Variants in STK17B observed in about 807,000 individuals in gnomAD.
STK17B encodes serine/threonine kinase 17b.
Under a neutral mutation model 42.0 loss-of-function variants are expected in STK17B, and 21 were observed. The ratio of observed to expected loss-of-function variants is 0.50; its 90% CI spans 0.35 to 0.72. STK17B has a LOEUF of 0.72. Ranked by LOEUF, STK17B falls within the 30% of genes least tolerant of loss-of-function variation. The pLI is 0.00. For missense variants in STK17B, 349 were observed against 446.0 expected (o/e 0.78, Z 1.96); for synonymous variants, 143 against 148.4 (o/e 0.96, Z 0.26).
chr2:196,149,336 T>C (rs1699630404), intron 3 of STK17B, among the ~76,000 whole-genome samples: 1 of 152,102 alleles, frequency 6.6e-6, no homozygotes, highest in African/African-American at 2.4e-5. Flanking sequence ...GCTAATTTTT[T>C]GTATTTTTTA....
intron 3 of STK17B, among the ~76,000 whole-genome samples, chr2:196,147,111 A>G (rs10206645): frequency 0.64 from 97,537 of 151,920 alleles, 31,625 homozygotes; most frequent in East Asian, 0.9. Context: ...TTTTTTTAGG[A>G]GGGATTAAAT....
intron 3 of STK17B, 84 bp downstream of exon 3, chr2:196,156,355 G>T: frequency 1.8e-6 from 2 of 1,142,116 alleles, no homozygotes; most frequent in Non-Finnish European, 2.4e-6. Context: ...ACAAGTTCTT[G>T]TCACACCTTT....
intron 7 of STK17B, 142 bp from the exon 8 acceptor site, chr2:196,137,871 A>G: frequency 1.1e-6 from 1 of 905,226 alleles, no homozygotes; most frequent in Admixed American, 3.0e-5. Context: ...AGTACAGAAG[A>G]GAATAATAAT....
intron 3 of STK17B, among the ~76,000 whole-genome samples, chr2:196,150,558 T>C (rs1438382010): frequency 6.6e-6 from 1 of 152,216 alleles, no homozygotes; most frequent in Non-Finnish European, 1.5e-5. Context: ...ACATGAAAGA[T>C]TAAAATCAGA....
intron 5 of STK17B, among the ~76,000 whole-genome samples, chr2:196,142,377 G>C (rs1699506821): frequency 6.6e-6 from 1 of 152,028 alleles, no homozygotes. Flanking sequence ...AGATTTTCCA[G>C]TGAATTAAAC....
chr2:196,153,142 T>TA (rs1235427398), intron 3 of STK17B: 3 of 148,406 alleles, frequency 2.0e-5, no homozygotes, highest in Non-Finnish European at 4.4e-5. Flanking sequence ...AATAAGAATA[T>TA]AAAAAATCAC....
intron 1 of STK17B, among the ~76,000 whole-genome samples, chr2:196,167,122 T>A (rs949135349): frequency 6.6e-6 from 1 of 152,210 alleles, no homozygotes; most frequent in Admixed American, 6.5e-5. Context: ...TTCTTACACA[T>A]CCTTCAAAAC....
At chr2:196,152,895 G>C (rs920154250) in intron 3 of STK17B, among the ~76,000 whole-genome samples, 1 of 152,108 alleles carries the variant, frequency 6.6e-6, no homozygotes, top group South Asian at 2.1e-4. Flanking sequence ...TTGCAGTACA[G>C]GGGATACATG....
At chr2:196,152,925 G>GT (rs1335530695) in intron 3 of STK17B, 1 of 151,902 alleles carries the variant, frequency 6.6e-6, no homozygotes, top group African/African-American at 2.4e-5. Context: ...TTTTTGTGTG[G>GT]TTTAAAAAAA....
chr2:196,133,724 G>A lies in STK17B; in HGVS notation c.*3723C>T, dbSNP rs1026060476. The A allele has an allele frequency of 1.3e-5, 2 of 152,108 alleles. No homozygotes were observed. The highest frequency in any genetic ancestry group is 2.4e-5 in the African/African-American group (1 of 41,440). The allele number at this position is 152,108 out of a possible 1,614,324, so 9.4% of individuals were successfully genotyped here. On this transcript the variant is annotated 3_prime_UTR_variant, in exon 8 of 8. Transcript: ENST00000263955. The stretch of plus-strand genomic sequence containing the variant: ...ATGACAACCACAGATATAAAAAAGT[G>A]CTTTTTAATTTTTAGCCAGAATGGT...
chr2:196,139,940 T>G (rs908621994), intron 6 of STK17B, 141 bp from the exon 7 acceptor site: 1 of 531,652 alleles, frequency 1.9e-6, no homozygotes, highest in African/African-American at 2.0e-5. Flanking sequence ...AAAGTTCCTA[T>G]ATTATTAAAA....
rs749336239 is a variant in STK17B at position 196,137,551 on chromosome 2, C to T, written c.1015G>A (p.Asp339Asn). 1.2e-6 allele frequency: 2 copies of T among 1,614,004 alleles called. No homozygotes were observed. The highest frequency in any genetic ancestry group is 3.3e-5 in the Admixed American group (2 of 60,004). The change falls in exon 8 of 8, where the codon GAC (aspartate) becomes AAC (asparagine). Residue 339 changes from aspartate to asparagine, a missense_variant. Physicochemically the swap from Asp to Asn is conservative, Grantham distance 23. This residue lies in a region of STK17B where 87 missense variants were observed against 78.8 expected (regional missense o/e 1.10). Coordinates refer to ENST00000263955, the MANE Select transcript of STK17B (RefSeq NM_004226.4). The stretch of plus-strand genomic sequence containing the variant: ...CTATCCTCTGGGATATTCTCTTTGT[C>T]TTCTCTATCACCACAGGTTCCATTA... ...SCNGTCGDRE[D>N]KENIPEDSSM...
chr2:196,156,447 T>C lies in STK17B; in HGVS notation c.327A>G (p.Ile109Met). Residue 109 changes from isoleucine (I) to methionine (M), a missense_variant, in exon 3 of 8, where the codon ATA becomes ATG. Physicochemically the swap from Ile to Met is conservative, Grantham distance 10. Coordinates refer to ENST00000263955, the MANE Select transcript of STK17B (RefSeq NM_004226.4). ...VYENTSEIIL[I>M]LEYAAGGEIF... ...ATTTAGTATATACTTACTATTCCAA[T>C]ATCAAAATGATTTCACTTGTATTTT... 3 of 1,611,988 alleles carry C rather than the reference T, an allele frequency of 1.9e-6. No individual in the cohort carries two copies. The highest frequency in any genetic ancestry group is 2.5e-6 in the Non-Finnish European group (3 of 1,178,498).
chr2:196,150,179 TAAAAAAAAAAA>T (rs143244008), intron 3 of STK17B, among the ~76,000 whole-genome samples: 1 of 113,488 alleles, frequency 8.8e-6, no homozygotes, highest in African/African-American at 3.5e-5. Context: ...GAGCAGTGAC[TAAAAAAAAAAA>T]AAAAAAAAAA....
chr2:196,168,902 T>C (rs535071730), intron 1 of STK17B, among the ~76,000 whole-genome samples: 2 of 152,242 alleles, frequency 1.3e-5, no homozygotes, highest in Non-Finnish European at 1.5e-5. Context: ...ATCAATATTA[T>C]GAAAAACTAA....
intron 2 of STK17B, 116 bp downstream of exon 2, chr2:196,163,146 C>T: frequency 7.7e-7 from 1 of 1,293,496 alleles, no homozygotes. Flanking sequence ...ACAGAGATCA[C>T]AACTTTCCTT....
At chr2:196,156,855 G>A (rs1699746036) in intron 2 of STK17B, among the ~76,000 whole-genome samples, 1 of 152,032 alleles carries the variant, frequency 6.6e-6, no homozygotes, top group Non-Finnish European at 1.5e-5. Flanking sequence ...AATGTAAATG[G>A]CAAACTATAA....
intron 1 of STK17B, among the ~76,000 whole-genome samples, chr2:196,164,283 G>C (rs1699850437): frequency 6.6e-6 from 1 of 152,130 alleles, no homozygotes; most frequent in East Asian, 1.9e-4. Context: ...AAGGTCTTAA[G>C]AGTCCCTCCT....
intron 4 of STK17B, among the ~76,000 whole-genome samples, chr2:196,145,471 C>G (rs1699559439): frequency 6.6e-6 from 1 of 151,864 alleles, no homozygotes; most frequent in Non-Finnish European, 1.5e-5. Flanking sequence ...CTGGAAGAAG[C>G]CAAAAGACTG....
Sources: gnomAD v4.1 joint callset for allele counts (sites outside exome capture counted in the v4.1 genomes callset) on GRCh38, gnomAD v4.1.1 for gene constraint, gnomAD v4.1.1 regional missense constraint, MANE v1.5 for transcripts, NCBI Gene and HGNC (gene_info 2026-07-23, HGNC 2026-07-21) for gene names.